Variants in COL19A1 observed in about 807,000 individuals in gnomAD.
COL19A1 encodes collagen alpha-1(XIX) chain.
In COL19A1, 159 loss-of-function variants were observed where a neutral mutation model predicts 190.2. The observed-to-expected ratio is 0.84, with a 90% CI of 0.73 to 0.95. The LOEUF (loss-of-function observed/expected upper bound fraction) is 0.95, where lower values mean the gene tolerates loss of function less well. Ranked by LOEUF, COL19A1 falls within the 40% of genes least tolerant of loss-of-function variation. COL19A1 has a pLI of 0.00. For missense variants in COL19A1, 1,418 were observed against 1,431.9 expected, an observed-to-expected ratio of 0.99 and a Z score of 0.16; for synonymous variants, 509 against 458.9, an observed-to-expected ratio of 1.11 and a Z score of -1.39.
At chr6:70,050,632 T>C (rs982815567) in intron 14 of COL19A1, among the ~76,000 whole-genome samples, 4 of 152,116 alleles carry the variant, frequency 2.6e-5, no homozygotes, top group African/African-American at 9.6e-5. Context: ...CAGAAAACTA[T>C]AACATCACTT....
At chr6:70,057,367 T>A (rs1305616438) in intron 14 of COL19A1, among the ~76,000 whole-genome samples, 1 of 152,088 alleles carries the variant, frequency 6.6e-6, no homozygotes, top group African/African-American at 2.4e-5. Context: ...TTTAGTAGGT[T>A]ACTGCCAAAA....
At chr6:70,203,566 C>T (rs1396103694) in intron 49 of COL19A1, among the ~76,000 whole-genome samples, 2 of 151,540 alleles carry the variant, frequency 1.3e-5, no homozygotes, top group Non-Finnish European at 2.9e-5. Context: ...CCTAACCCCA[C>T]CCCCACCATG....
chr6:69,980,407 G>T (rs551688099), intron 11 of COL19A1, among the ~76,000 whole-genome samples: 5 of 152,130 alleles, frequency 3.3e-5, no homozygotes, highest in Non-Finnish European at 5.9e-5. Flanking sequence ...AAAAATAAAT[G>T]CCAGATAGAT....
chr6:69,925,267 G>A (rs1422398287), intron 4 of COL19A1, among the ~76,000 whole-genome samples: 1 of 152,116 alleles, frequency 6.6e-6, no homozygotes, highest in Non-Finnish European at 1.5e-5. Flanking sequence ...TTTGTATAAG[G>A]TGTAAGGAAG....
intron 37 of COL19A1, among the ~76,000 whole-genome samples, chr6:70,167,420 T>A (rs1484708825): frequency 2.6e-5 from 4 of 152,208 alleles, no homozygotes; most frequent in Non-Finnish European, 4.4e-5. Context: ...GAATAAGTTC[T>A]CCTTTAAGTG....
At chr6:69,881,441 G>A (rs1434990551) in intron 2 of COL19A1, among the ~76,000 whole-genome samples, 1 of 151,582 alleles carries the variant, frequency 6.6e-6, no homozygotes, top group Non-Finnish European at 1.5e-5. Context: ...ACACAGTACT[G>A]TTAATTATAA....
intron 2 of COL19A1, among the ~76,000 whole-genome samples, chr6:69,881,617 A>G (rs1768561063): frequency 6.6e-6 from 1 of 152,228 alleles, no homozygotes; most frequent in Non-Finnish European, 1.5e-5. Context: ...TTCTGATCCA[A>G]TTTACTTCGC....
In COL19A1 at chr6:70,211,456, TTG is replaced by T. The variant is rs142814333; in HGVS notation, c.*4183_*4184del. On this transcript the variant is annotated 3_prime_UTR_variant, in exon 51 of 51. Transcript: ENST00000620364. Reference sequence around the variant, plus strand: ...AGCGTTATTTCTTAATACTTGAGTGTTGACACATTTTTGTACCATCCCCCTTT... The same window carrying T: ...AGCGTTATTTCTTAATACTTGAGTGTACACATTTTTGTACCATCCCCCTTT... Among the ~76,000 whole-genome samples the T allele has an allele frequency of 3.9e-3, 599 of 151,744 alleles. 5 individuals are homozygous for T. Among genetic ancestry groups the T allele is most frequent in the African/African-American group, 0.013 (556 of 41,374 alleles).
At position 69,879,539 on chromosome 6, in the gene COL19A1, C is replaced by T. The variant is rs766126754; in HGVS notation, c.-29C>T. ...AATTTTTTTTTTTCTGTTGCAGATC[C>T]GTGGCCGTTCACATGGTTTCAAGGC... On this transcript the variant is annotated 5_prime_UTR_variant, in exon 2 of 51. Coordinates refer to ENST00000620364, the MANE Select transcript of COL19A1 (RefSeq NM_001858.6). The T allele has an allele frequency of 8.2e-6, 13 of 1,594,486 alleles. No homozygotes were observed. The highest frequency in any genetic ancestry group is 4.0e-5 in the African/African-American group (3 of 74,324).
intron 11 of COL19A1, among the ~76,000 whole-genome samples, chr6:69,970,641 C>T (rs1441282697): frequency 6.6e-6 from 1 of 152,170 alleles, no homozygotes; most frequent in Non-Finnish European, 1.5e-5. Context: ...TTCCCTTCAT[C>T]ACTCTAAAGC....
Position 69,971,597 on chromosome 6 carries a change from C to T in COL19A1, c.1026+8727C>T, listed in dbSNP as rs528913079. On this transcript the variant is annotated intron_variant, in intron 11 of 50. Coordinates refer to ENST00000620364, the MANE Select transcript of COL19A1 (RefSeq NM_001858.6). ...CAAGTTAGGACCCAAAAGAAAAACA[C>T]GGACTAGTTCACTAATACAGAGAAT... is the stretch of plus-strand genomic sequence containing the variant. Among the ~76,000 whole-genome samples the T allele has an allele frequency of 7.9e-5, 12 of 152,282 alleles. No individual in the cohort carries two copies. The East Asian group carries it at 1.2e-3, about 15-fold the overall frequency.
chr6:70,145,080 G>A, intron 25 of COL19A1, 73 bp downstream of exon 25: 1 of 1,095,510 alleles, frequency 9.1e-7, no homozygotes, highest in Non-Finnish European at 1.4e-6. Flanking sequence ...CCTAGTTTCA[G>A]ATCACAAGTA....
At chr6:69,917,232 C>A (rs1272825786) in intron 4 of COL19A1, among the ~76,000 whole-genome samples, 1 of 152,174 alleles carries the variant, frequency 6.6e-6, no homozygotes. Context: ...CTTTTTCTAT[C>A]AAAGTTTTTG....
intron 33 of COL19A1, 44 bp from the exon 34 acceptor site, chr6:70,156,626 A>T: frequency 6.3e-7 from 1 of 1,598,652 alleles, no homozygotes; most frequent in Non-Finnish European, 8.6e-7. Flanking sequence ...CCAAAAGATA[A>T]GAAAAATGAT....
chr6:69,908,134 G>A (rs1770680345), intron 4 of COL19A1, among the ~76,000 whole-genome samples: 1 of 152,038 alleles, frequency 6.6e-6, no homozygotes, highest in Admixed American at 6.6e-5. Flanking sequence ...CTATTTTGAG[G>A]GACTATTTTG....
intron 6 of COL19A1, among the ~76,000 whole-genome samples, chr6:69,932,266 C>G (rs541677673): frequency 1.1e-3 from 173 of 151,940 alleles, no homozygotes; most frequent in African/African-American, 4.0e-3. Context: ...AATATAAAAT[C>G]AATAGGTTTT....
intron 18 of COL19A1, among the ~76,000 whole-genome samples, chr6:70,135,875 T>C (rs1785832188): frequency 6.6e-6 from 1 of 152,112 alleles, no homozygotes; most frequent in South Asian, 2.1e-4. Flanking sequence ...AGAGTTCAGG[T>C]TCTGGTCATG....
At chr6:69,896,010 A>G (rs1769707432) in intron 2 of COL19A1, among the ~76,000 whole-genome samples, 1 of 152,204 alleles carries the variant, frequency 6.6e-6, no homozygotes, top group African/African-American at 2.4e-5. Context: ...CAAGTCATAC[A>G]GTTCATATAT....
At chr6:70,165,864 G>C (rs1216799294) in intron 36 of COL19A1, 77 bp from the exon 37 acceptor site, 1 of 1,321,150 alleles carries the variant, frequency 7.6e-7, no homozygotes, top group Non-Finnish European at 1.1e-6. Context: ...ATGGCTCTGT[G>C]ATTAATTTCA....
Sources: allele counts gnomAD v4.1 joint callset (sites outside exome capture counted in the v4.1 genomes callset), GRCh38; gene constraint gnomAD v4.1.1; transcripts MANE v1.5; gene names NCBI Gene and HGNC (gene_info 2026-07-23, HGNC 2026-07-21).